The following CDK5RAP2 variants were observed in gnomAD, a reference collection of about 807,000 sequenced individuals.
CDK5RAP2 encodes CDK5 regulatory subunit-associated protein 2.
In CDK5RAP2, 147 loss-of-function variants were observed where a neutral mutation model predicts 232.9. The ratio of observed to expected loss-of-function variants is 0.63; its 90% CI spans 0.55 to 0.72. The LOEUF (loss-of-function observed/expected upper bound fraction) is 0.72. CDK5RAP2 is among the 30% of genes least tolerant of loss of function. CDK5RAP2 has a pLI of 0.00. For synonymous variants in CDK5RAP2, 833 were observed against 833.7 expected (o/e 1.00, Z 0.01); for missense variants, 2,195 against 2,231.5 (o/e 0.98, Z 0.33).
At chr9:120,532,876 A>C (rs1001166691) in intron 7 of CDK5RAP2, among the ~76,000 whole-genome samples, 1 of 152,168 alleles carries the variant, frequency 6.6e-6, no homozygotes, top group African/African-American at 2.4e-5. Flanking sequence ...CCTAGAACAC[A>C]GTAAGTACTT....
At chr9:120,552,346 T>G (rs2042073248) in intron 3 of CDK5RAP2, among the ~76,000 whole-genome samples, 1 of 152,100 alleles carries the variant, frequency 6.6e-6, no homozygotes, top group African/African-American at 2.4e-5. Context: ...TTACTGGGTA[T>G]ATACCCAAAG....
chr9:120,422,621 T>C (rs2034631974), intron 26 of CDK5RAP2, 72 bp downstream of exon 26: 1 of 1,192,942 alleles, frequency 8.4e-7, no homozygotes. Context: ...AGCCAAAATA[T>C]TTTAAAAGCT....
At chr9:120,514,602 C>T (rs1458710847) in intron 12 of CDK5RAP2, among the ~76,000 whole-genome samples, 2 of 152,206 alleles carry the variant, frequency 1.3e-5, no homozygotes, top group Non-Finnish European at 2.9e-5. Flanking sequence ...GAAGCCAGCT[C>T]TCAGAGAGAG....
chr9:120,548,370 T>C (rs2041927291), intron 4 of CDK5RAP2, among the ~76,000 whole-genome samples: 1 of 152,194 alleles, frequency 6.6e-6, no homozygotes, highest in Non-Finnish European at 1.5e-5. Flanking sequence ...TTTAATACAT[T>C]TAAAAGAATG....
chr9:120,411,426 G>A lies in CDK5RAP2; in HGVS notation c.4346C>T (p.Thr1449Ile), dbSNP rs1467891007. The A allele has an allele frequency of 2.5e-6, 4 of 1,613,340 alleles. No homozygotes were observed. The Admixed American group carries it at 6.7e-5, about 27-fold the overall frequency. ...ASGSELHSSL[T>I]SEIHFLRKQN... ...CTTCCTCAAGAAATGAATTTCTGAT[G>A]TTAGAGAACTATGAAGCTCTGAACC... The change falls in exon 29 of 38, where the codon ACA (threonine) becomes ATA (isoleucine). Residue 1449 changes from threonine to isoleucine, a missense_variant. Thr to Ile is a moderately conservative substitution (Grantham distance 89). Coordinates refer to ENST00000349780, the MANE Select transcript of CDK5RAP2 (RefSeq NM_018249.6).
intron 14 of CDK5RAP2, among the ~76,000 whole-genome samples, chr9:120,479,276 GAAT>G: frequency 6.6e-6 from 1 of 152,166 alleles, no homozygotes; most frequent in Non-Finnish European, 1.5e-5. Flanking sequence ...AATGTAAAAA[GAAT>G]AATGGAATTA....
intron 5 of CDK5RAP2, 46 bp from the exon 6 acceptor site, chr9:120,539,210 G>C (rs1406476808): frequency 2.5e-6 from 4 of 1,612,176 alleles, no homozygotes; most frequent in Non-Finnish European, 3.4e-6. Context: ...GTGATGGTCT[G>C]ATGGTTATTT....
At chr9:120,469,508 C>T (rs115295224) in intron 17 of CDK5RAP2, among the ~76,000 whole-genome samples, 2,477 of 152,248 alleles carry the variant, frequency 0.016, 72 homozygotes, top group African/African-American at 0.056. Flanking sequence ...ATAAACTATG[C>T]GGTCTCAAAC....
intron 22 of CDK5RAP2, among the ~76,000 whole-genome samples, chr9:120,444,602 G>C (rs1460037158): frequency 1.3e-5 from 2 of 152,212 alleles, no homozygotes; most frequent in Admixed American, 6.5e-5. Flanking sequence ...GAGCAATTCT[G>C]CCAAAGGTCT....
At chr9:120,555,657 C>CA (rs963140407) in intron 3 of CDK5RAP2, among the ~76,000 whole-genome samples, 4 of 151,678 alleles carry the variant, frequency 2.6e-5, no homozygotes, top group African/African-American at 7.3e-5. Flanking sequence ...CAATTTCTTG[C>CA]AAAAAAAACT....
At chr9:120,443,148 T>C (rs1305976256) in intron 23 of CDK5RAP2, among the ~76,000 whole-genome samples, 3 of 152,170 alleles carry the variant, frequency 2.0e-5, no homozygotes, top group Non-Finnish European at 4.4e-5. Flanking sequence ...TTTCCACTGA[T>C]CTGCCTGGCA....
At chr9:120,579,859 C>G (rs1022785255) in intron 1 of CDK5RAP2, 61 bp downstream of exon 1, 1 of 1,386,476 alleles carries the variant, frequency 7.2e-7, no homozygotes, top group Non-Finnish European at 1.0e-6. Context: ...CGCGTTAGAA[C>G]GAAATCCCAC....
chr9:120,459,581 A>C (rs1333447971), intron 19 of CDK5RAP2, among the ~76,000 whole-genome samples: 1 of 152,226 alleles, frequency 6.6e-6, no homozygotes, highest in Non-Finnish European at 1.5e-5. Context: ...TAGAATAATA[A>C]AAATAATTAT....
intron 36 of CDK5RAP2, 33 bp from the exon 37 acceptor site, chr9:120,389,820 G>A (rs1320156689): frequency 6.2e-7 from 1 of 1,606,090 alleles, no homozygotes; most frequent in Admixed American, 1.7e-5. Flanking sequence ...AATGATTAGG[G>A]CCATGGATAT....
At chr9:120,480,984 C>A (rs762505384) in intron 14 of CDK5RAP2, among the ~76,000 whole-genome samples, 1 of 152,190 alleles carries the variant, frequency 6.6e-6, no homozygotes, top group African/African-American at 2.4e-5. Context: ...CACACAACCA[C>A]GTGTGCAGCC....
chr9:120,553,443 T>C (rs953848222), intron 3 of CDK5RAP2, among the ~76,000 whole-genome samples: 4 of 152,232 alleles, frequency 2.6e-5, no homozygotes, highest in Middle Eastern at 3.2e-3. Flanking sequence ...AGTTTCTCCC[T>C]CTCTGTTTCA....
At chr9:120,469,828 G>A (rs911541133) in intron 17 of CDK5RAP2, among the ~76,000 whole-genome samples, 14 of 152,174 alleles carry the variant, frequency 9.2e-5, no homozygotes, top group Admixed American at 8.5e-4. Context: ...AAAAAAAGAG[G>A]TGAACAGCCT....
intron 12 of CDK5RAP2, among the ~76,000 whole-genome samples, chr9:120,497,452 AAAG>A (rs1383701113): frequency 1.4e-4 from 12 of 84,380 alleles, no homozygotes; most frequent in African/African-American, 2.5e-4. Context: ...AAAAAAAAAA[AAAG>A]AATCATCAAT....
chr9:120,426,987 A>C (rs2034945647), intron 25 of CDK5RAP2, among the ~76,000 whole-genome samples: 1 of 152,124 alleles, frequency 6.6e-6, no homozygotes, highest in Non-Finnish European at 1.5e-5. Flanking sequence ...GGTCTGAACT[A>C]GTTTTTAAGG....
Sources: gnomAD v4.1 joint callset for allele counts (sites outside exome capture counted in the v4.1 genomes callset) on GRCh38, gnomAD v4.1.1 for gene constraint, MANE v1.5 for transcripts, NCBI Gene and HGNC (gene_info 2026-07-23, HGNC 2026-07-21) for gene names.